COL20A1: variants seen among roughly 807,000 people sequenced by gnomAD.
COL20A1 encodes collagen alpha-1(XX) chain.
A neutral mutation model predicts 152.9 loss-of-function variants in COL20A1; 164 were observed. The observed-to-expected ratio is 1.07, with a 90% CI of 0.94 to 1.22. The LOEUF (loss-of-function observed/expected upper bound fraction) is 1.22. Ranked by LOEUF, COL20A1 falls within the 50% of genes most tolerant of loss-of-function variation. The pLI, the probability that COL20A1 is intolerant of heterozygous loss-of-function variation, is 0.00. For synonymous variants in COL20A1, 864 were observed against 756.0 expected, an observed-to-expected ratio of 1.14 and a Z score of -2.34; for missense variants, 1,873 against 1,744.8, an observed-to-expected ratio of 1.07 and a Z score of -1.31.
chr20:63,326,660 AG>A (rs1249609588), intron 30 of COL20A1, 91 bp from the exon 31 acceptor site: 4 of 841,352 alleles, frequency 4.8e-6, no homozygotes, highest in African/African-American at 3.6e-5. Flanking sequence ...TTGTCAGGTC[AG>A]GGGGCCCCTG....
chr20:63,306,691 G>A lies in COL20A1; in HGVS notation c.496+652G>A, dbSNP rs1417784282. 2.0e-5 allele frequency among the ~76,000 whole-genome samples: 3 copies of A among 152,204 alleles called. No homozygotes were observed. Among genetic ancestry groups the A allele is most frequent in the Non-Finnish European group, 4.4e-5 (3 of 68,022 alleles). ...GCAGTGCACTGTGTCTGCCCATAAG[G>A]CCCCCGTAGGCAGGGCTGGGCTTCC... On this transcript the variant is annotated intron_variant, in intron 5 of 35. Transcript: ENST00000358894. This position sits in a 1 kb window ranked among gnomAD's most constrained non-coding sequence, Gnocchi z 6.9.
In COL20A1 at chr20:63,320,994, A is replaced by G. The variant is rs1161143315; in HGVS notation, c.3154-19A>G. ...CAGGGAGAGGGTCTCTCTAATGGGC[A>G]GGGTCTCTCTTCTTCCAGAGGGATG... is the stretch of plus-strand genomic sequence containing the variant. On this transcript the variant is annotated intron_variant, in intron 25 of 35. Transcript: ENST00000358894. 5.2e-6 allele frequency: 8 copies of G among 1,542,190 alleles called. No individual in the cohort carries two copies. Among genetic ancestry groups the G allele is most frequent in the Non-Finnish European group, 7.0e-6 (8 of 1,137,890 alleles).
chr20:63,327,774 C>T (rs2068273206), intron 31 of COL20A1, 178 bp from the exon 32 acceptor site: 7 of 634,882 alleles, frequency 1.1e-5, no homozygotes, highest in South Asian at 1.9e-5. Context: ...TGCCTGCTCT[C>T]GGGTGCAGGC....
intron 27 of COL20A1, 64 bp downstream of exon 27, chr20:63,322,175 CT>C: frequency 7.8e-7 from 1 of 1,282,280 alleles, no homozygotes. Context: ...GAGAACACCC[CT>C]CCCAGTGCAT....
In COL20A1 at chr20:63,319,935, G is replaced by A; in HGVS notation, c.2917-104G>A. ...GGTGAGGTCAGGTTCCTGACCCCAG[G>A]TCCCAGGGATGGGTGTTACTCCCCA... On this transcript the variant is annotated intron_variant, in intron 23 of 35. Transcript: ENST00000358894. This position sits in a 1 kb window ranked among gnomAD's most constrained non-coding sequence, Gnocchi z 4.4. 3 of 1,166,176 alleles carry A rather than the reference G, an allele frequency of 2.6e-6. No individual in the cohort carries two copies. Among genetic ancestry groups the A allele is most frequent in the Non-Finnish European group, 3.6e-6 (3 of 842,006 alleles). The allele number at this position is 1,166,176 out of a possible 1,614,324, so 72.2% of individuals were successfully genotyped here.
chr20:63,293,386 C>G (rs2067740442), intron 1 of COL20A1, 111 bp downstream of exon 1: 1 of 152,148 alleles, frequency 6.6e-6, no homozygotes, highest in South Asian at 2.1e-4. Flanking sequence ...AGATAGAGGC[C>G]AAGTGCCCCT....
chr20:63,302,056 T>C (rs2067868796), intron 3 of COL20A1, among the ~76,000 whole-genome samples: 1 of 152,194 alleles, frequency 6.6e-6, no homozygotes. Context: ...TGAAACCTCA[T>C]GTTTTCATGA....
In COL20A1 at chr20:63,310,428, C is replaced by A. The variant is rs1235504992; in HGVS notation, c.1311C>A (p.Ala437=). 6.2e-7 allele frequency: 1 copy of A among 1,610,590 alleles called. No individual in the cohort carries two copies. The highest frequency in any genetic ancestry group is 1.7e-5 in the Admixed American group (1 of 59,818). Residue 437 remains alanine, a synonymous_variant, in exon 11 of 36, where the codon GCC becomes GCA. Transcript: ENST00000358894. The stretch of plus-strand genomic sequence containing the variant: ...CCTCCACGGAGCTGCACAACCTGGC[C>A]TCCCGCACAGAGTACCTGGTCTCCG... ...PAASTELHNL[A]SRTEYLVSVF...
rs776924951 is a variant in COL20A1, at chr20:63,311,517, A to C, written c.1517A>C (p.Lys506Thr). The change falls in exon 12 of 36, where the codon AAG becomes ACG. Residue 506 changes from lysine to threonine, a missense_variant. Physicochemically the swap from Lys to Thr is moderately conservative, Grantham distance 78. Transcript: ENST00000358894. The surrounding 1 kb of genome is among the most constrained non-coding windows in gnomAD (Gnocchi z 4.4). ...GTGCGATGTTCTCCTGCTTCCCCCA[A>C]GGGTGAAGAGGAGGAGCGAGAGGTG... ...YLVRCSPASP[K>T]GEEEEREVQV... is the part of the protein sequence containing the mutation. 1.3e-6 allele frequency: 2 copies of C among 1,591,348 alleles called. No individual in the cohort carries two copies. Among genetic ancestry groups the C allele is most frequent in the Admixed American group, 1.8e-5 (1 of 56,518 alleles).
chr20:63,330,556 T>C (rs76725394), intron 35 of COL20A1, among the ~76,000 whole-genome samples, 164 bp from the exon 36 acceptor site: 13,633 of 152,026 alleles, frequency 0.09, 825 homozygotes, highest in African/African-American at 0.16. Context: ...CCTGCCCACT[T>C]ACGGCCCTGC....
rs2068372042 is a variant in COL20A1, at chr20:63,334,657, C to T, written c.*3941C>T. 1 of 152,234 alleles carries T rather than the reference C, an allele frequency of 6.6e-6. No homozygotes were observed. Among genetic ancestry groups the T allele is most frequent in the African/African-American group, 2.4e-5 (1 of 41,464 alleles). The allele number at this position is 152,234 out of a possible 1,614,324, so 9.4% of individuals were successfully genotyped here. On this transcript the variant is annotated 3_prime_UTR_variant, in exon 36 of 36. Coordinates refer to ENST00000358894, the MANE Select transcript of COL20A1 (RefSeq NM_020882.4). ...CAGGCTGGTCTTGAACTTCTGAGCT[C>T]AAACGATCCACCCTCCTTGGCCTCC...
Position 63,316,689 on chromosome 20 carries a change from C to T in COL20A1, c.2661C>T (p.Val887=). 1.9e-6 allele frequency: 3 copies of T among 1,558,110 alleles called. No homozygotes were observed. The highest frequency in any genetic ancestry group is 2.6e-6 in the Non-Finnish European group (3 of 1,152,402). Residue 887 remains valine, a splice_region_variant and synonymous_variant, in exon 21 of 36, where the codon GTC becomes GTT. Coordinates refer to ENST00000358894, the MANE Select transcript of COL20A1 (RefSeq NM_020882.4). The part of the protein sequence containing the change: ...LFKDAQLTRR[V]SDVYPAPLPP... Reference sequence around the variant, plus strand: ...AGGACGCCCAGCTGACAAGACGGGTCAGGTGTGAGGGCAAGGGCTGGGGTG... The same window carrying T: ...AGGACGCCCAGCTGACAAGACGGGTTAGGTGTGAGGGCAAGGGCTGGGGTG...
intron 34 of COL20A1, 163 bp from the exon 35 acceptor site, chr20:63,329,422 C>T (rs1038321497): frequency 4.4e-5 from 27 of 618,350 alleles, no homozygotes; most frequent in East Asian, 1.4e-4. Flanking sequence ...GTGTGGAGCA[C>T]GGGGACCTGG....
chr20:63,312,879 G>T lies in COL20A1; in HGVS notation c.2021G>T (p.Gly674Val). The change falls in exon 16 of 36, where the codon GGC becomes GTC. Residue 674 changes from glycine (G) to valine (V), a missense_variant. Coordinates refer to ENST00000358894, the MANE Select transcript of COL20A1 (RefSeq NM_020882.4). ...QLAWVAAAPSGVLVYQITWTP... is the reference protein window; with the variant it reads ...QLAWVAAAPSVVLVYQITWTP... ...GCGTGGGTGGCCGCAGCCCCGTCTGGCGTGCTTGTCTACCAGATCACGTGG... is the reference window on the plus strand; with the variant it reads ...GCGTGGGTGGCCGCAGCCCCGTCTGTCGTGCTTGTCTACCAGATCACGTGG... 6.4e-7 allele frequency: 1 copy of T among 1,557,466 alleles called. No homozygotes were observed. Among genetic ancestry groups the T allele is most frequent in the Non-Finnish European group, 8.7e-7 (1 of 1,150,892 alleles).
chr20:63,321,527 G>A lies in COL20A1; in HGVS notation c.3240+428G>A, dbSNP rs1208255120. ...CTGTGCTGTGGCCACAGGGTGTGAC[G>A]TGGGCCGGCTGTGAGTCACAGCCAC... On this transcript the variant is annotated intron_variant, in intron 26 of 35. Transcript: ENST00000358894. Among the ~76,000 whole-genome samples the A allele has an allele frequency of 4.6e-5, 7 of 152,332 alleles. No individual in the cohort carries two copies. In the South Asian group the frequency reaches 6.2e-4, roughly 14 times the overall value.
At chr20:63,301,897 A>C (rs1460750852) in intron 3 of COL20A1, among the ~76,000 whole-genome samples, 1 of 152,190 alleles carries the variant, frequency 6.6e-6, no homozygotes, top group Non-Finnish European at 1.5e-5. Flanking sequence ...TATTTAATGA[A>C]ATTAATGATA....
At position 63,311,674 on chromosome 20, in the gene COL20A1, G is replaced by A. The variant is rs1238878277; in HGVS notation, c.1589G>A (p.Arg530Lys). 6.2e-7 allele frequency: 1 copy of A among 1,608,616 alleles called. No homozygotes were observed. The highest frequency in any genetic ancestry group is 1.3e-5 in the African/African-American group (1 of 74,856). Reference protein sequence around the residue: ...EVLLDGLEPGRDYEVSVQSLR... With the variant: ...EVLLDGLEPGKDYEVSVQSLR... ...CTGCTGGATGGCCTGGAACCTGGCA[G>A]GGACTATGAGGTCTCGGTGCAGAGC... The change falls in exon 13 of 36, where the codon AGG becomes AAG. Residue 530 changes from arginine (R) to lysine (K), a missense_variant. By Grantham distance (26) the Arg-to-Lys change is conservative. Coordinates refer to ENST00000358894, the MANE Select transcript of COL20A1 (RefSeq NM_020882.4). The surrounding 1 kb of genome is among the most constrained non-coding windows in gnomAD (Gnocchi z 4.4).
At position 63,316,622 on chromosome 20, in the gene COL20A1, A is replaced by T. The variant is rs531585999; in HGVS notation, c.2594A>T (p.Glu865Val). 2.5e-6 allele frequency: 4 copies of T among 1,581,786 alleles called. No homozygotes were observed. The South Asian group carries it at 4.6e-5, about 18-fold the overall frequency. Residue 865 changes from glutamate to valine, a missense_variant, in exon 21 of 36, where the codon GAG becomes GTG. Physicochemically the swap from Glu to Val is moderately radical, Grantham distance 121 (BLOSUM62 -2). Coordinates refer to ENST00000358894, the MANE Select transcript of COL20A1 (RefSeq NM_020882.4). Reference sequence around the variant, plus strand: ...GCGTCCATCCGGGGCGTGGCCATGGAGCCCTCTGCCTTCGGTGGGACCCCG... The same window carrying T: ...GCGTCCATCCGGGGCGTGGCCATGGTGCCCTCTGCCTTCGGTGGGACCCCG... ...AYASIRGVAM[E>V]PSAFGGTPTF...
intron 14 of COL20A1, 104 bp downstream of exon 14, chr20:63,312,159 A>G (rs2068017364): frequency 7.6e-7 from 1 of 1,324,330 alleles, no homozygotes. Flanking sequence ...ATTCAAAACC[A>G]CAGCGGCCAC....
Sources: allele counts gnomAD v4.1 joint callset (sites outside exome capture counted in the v4.1 genomes callset), GRCh38; gene constraint gnomAD v4.1.1; non-coding constraint Gnocchi (gnomAD v3.1); transcripts MANE v1.5; gene names NCBI Gene and HGNC (gene_info 2026-07-23, HGNC 2026-07-21).